The following GLT1D1 variants were observed in gnomAD, a reference collection of about 807,000 sequenced individuals.
GLT1D1 encodes glycosyltransferase 1 domain-containing protein 1.
In GLT1D1, 21 loss-of-function variants were observed where a neutral mutation model predicts 28.7. The observed-to-expected ratio is 0.73, with a 90% CI of 0.52 to 1.05. The LOEUF is 1.05. Ranked by LOEUF, GLT1D1 falls within the 50% of genes least tolerant of loss-of-function variation. The probability of loss-of-function intolerance (pLI) is 0.00; values close to 1 mark genes in which losing one functional copy is unlikely to be tolerated. For missense variants in GLT1D1, 343 were observed against 330.6 expected (o/e 1.04, Z -0.29); for synonymous variants, 147 against 124.8 (o/e 1.18, Z -1.19).
Position 128,947,444 on chromosome 12 carries a change from G to T in GLT1D1, c.526G>T (p.Ala176Ser), listed in dbSNP as rs909193700. 1 of 1,614,174 alleles carries T rather than the reference G, an allele frequency of 6.2e-7. No individual in the cohort carries two copies. The highest frequency in any genetic ancestry group is 1.1e-5 in the South Asian group (1 of 91,080). Residue 176 changes from alanine (A) to serine (S), a missense_variant, in exon 6 of 8, where the codon GCT (alanine) becomes TCT (serine). Transcript: ENST00000281703. ...TAGCTCTGTCTCTGAAGGCATGTCA[G>T]CTGCAATTTTGGAGGTAATTATGTA...
rs116081449 is a variant in GLT1D1, at chr12:128,984,265, T to A, written c.*1175T>A. ...CGCTTAGGAGGGCCGAGGGAGAAGA[T>A]TCCACCAGCATTGTCCTTGCTTCAA... On this transcript the variant is annotated 3_prime_UTR_variant, in exon 8 of 8. Coordinates refer to ENST00000281703, the MANE Select transcript of GLT1D1 (RefSeq NM_144669.3). The A allele has an allele frequency of 1.0e-3, 155 of 152,324 alleles. No homozygotes were observed. The highest frequency in any genetic ancestry group is 3.6e-3 in the African/African-American group (150 of 41,574). The allele number at this position is 152,324 out of a possible 1,614,324, so 9.4% of individuals were successfully genotyped here.
chr12:128,924,318 T>A (rs1031730116), intron 4 of GLT1D1, among the ~76,000 whole-genome samples: 7 of 151,512 alleles, frequency 4.6e-5, no homozygotes, highest in Admixed American at 1.3e-4. Context: ...TCCCAGCTAC[T>A]TGGGAGGCTG....
intron 7 of GLT1D1, among the ~76,000 whole-genome samples, chr12:128,967,552 G>A (rs1878573628): frequency 6.6e-6 from 1 of 152,188 alleles, no homozygotes; most frequent in South Asian, 2.1e-4. Context: ...ATACTCAACC[G>A]CGTTCACAGC....
chr12:128,859,940 A>T (rs1388418554), intron 1 of GLT1D1, among the ~76,000 whole-genome samples: 1 of 152,168 alleles, frequency 6.6e-6, no homozygotes, highest in East Asian at 1.9e-4. Context: ...TGGGCAAAAA[A>T]TCTGGGGGAT....
chr12:128,876,396 C>T (rs1273834982), intron 2 of GLT1D1, among the ~76,000 whole-genome samples: 1 of 152,146 alleles, frequency 6.6e-6, no homozygotes, highest in Non-Finnish European at 1.5e-5. Context: ...GCAACCTCCG[C>T]TTCCTGGGCT....
At chr12:128,906,861 T>C in intron 4 of GLT1D1, 1 of 700,954 alleles carries the variant, frequency 1.4e-6, no homozygotes, top group Non-Finnish European at 2.6e-6. Context: ...TAATTTTACT[T>C]TGTGTACATT....
chr12:128,943,901 A>G (rs577784550), intron 4 of GLT1D1, among the ~76,000 whole-genome samples: 2 of 152,298 alleles, frequency 1.3e-5, no homozygotes, highest in East Asian at 1.9e-4. Context: ...CCCCAATGAC[A>G]TGTAACTTTT....
intron 7 of GLT1D1, among the ~76,000 whole-genome samples, chr12:128,976,632 CTG>C (rs1284860836): frequency 1.3e-5 from 2 of 152,192 alleles, no homozygotes; most frequent in Non-Finnish European, 2.9e-5. Flanking sequence ...CTGTGATTGA[CTG>C]TAGCTCATCT....
chr12:128,945,302 A>T, intron 4 of GLT1D1, 24 bp from the exon 9 acceptor site: 1 of 1,613,666 alleles, frequency 6.2e-7, no homozygotes, highest in Non-Finnish European at 8.5e-7. Context: ...GCGACCGCTG[A>T]CATTTATCTT....
chr12:128,952,381 ATAGAGG>A (rs1193184838), intron 6 of GLT1D1, among the ~76,000 whole-genome samples: 2 of 128,544 alleles, frequency 1.6e-5, no homozygotes, highest in Admixed American at 8.8e-5. Flanking sequence ...GTATTTGGAG[ATAGAGG>A]TAATCAAGTT....
rs148786474 is a variant in GLT1D1, at chr12:128,944,845, T to C, written c.376-481T>C. 2.3e-3 allele frequency: 637 copies of C among 272,990 alleles called. 5 individuals are homozygous for C. Among genetic ancestry groups the C allele is most frequent in the African/African-American group, 0.012 (558 of 44,764 alleles). 16.9% of individuals were successfully genotyped at this position (272,990 alleles called of 1,614,324 possible). Reference sequence around the variant, plus strand: ...AAAGTTCTGGGGTACATGTGCACAATGTGCAGGTTTGTTACATAGGTATAC... The same window carrying C: ...AAAGTTCTGGGGTACATGTGCACAACGTGCAGGTTTGTTACATAGGTATAC... On this transcript the variant is annotated intron_variant, in intron 4 of 7. Transcript: ENST00000281703.
chr12:128,868,025 T>C (rs1014499861), intron 1 of GLT1D1, among the ~76,000 whole-genome samples: 3 of 152,224 alleles, frequency 2.0e-5, no homozygotes, highest in Admixed American at 1.3e-4. Flanking sequence ...CTAAGTTGAA[T>C]TGAAAACCCA....
chr12:128,875,823 A>G (rs1326165240), intron 1 of GLT1D1, 91 bp from the exon 2 acceptor site: 3 of 221,134 alleles, frequency 1.4e-5, no homozygotes, highest in Non-Finnish European at 2.1e-5. Flanking sequence ...AACAACAACC[A>G]AAAAAAAAAA....
chr12:128,962,906 T>G (rs1332617894), intron 7 of GLT1D1, among the ~76,000 whole-genome samples: 5 of 152,100 alleles, frequency 3.3e-5, no homozygotes, highest in African/African-American at 9.7e-5. Context: ...TTCACCATAT[T>G]GGCCAGGCTG....
At chr12:128,874,094 TTCTTTCTCTCTC>T (rs1419426348) in intron 1 of GLT1D1, among the ~76,000 whole-genome samples, 4 of 26,350 alleles carry the variant, frequency 1.5e-4, no homozygotes, top group African/African-American at 4.4e-4. Flanking sequence ...CTTTCTTTCT[TTCTTTCTCTCTC>T]TCTCTCTCTC....
intron 2 of GLT1D1, among the ~76,000 whole-genome samples, chr12:128,884,021 T>C (rs898070042): frequency 6.6e-6 from 1 of 151,736 alleles, no homozygotes; most frequent in Non-Finnish European, 1.5e-5. Context: ...CCTCGAAAAA[T>C]GAAAAATAGA....
intron 6 of GLT1D1, 21 bp from the exon 11 acceptor site, chr12:128,957,524 C>G (rs748102267): frequency 6.4e-7 from 1 of 1,570,574 alleles, no homozygotes; most frequent in East Asian, 2.2e-5. Context: ...CTTCCACCCC[C>G]TTTTCTCCTG....
chr12:128,967,523 C>T (rs971013843), intron 7 of GLT1D1, among the ~76,000 whole-genome samples: 4 of 152,220 alleles, frequency 2.6e-5, no homozygotes, highest in Admixed American at 6.5e-5. Context: ...TCTCCCTTCC[C>T]CTGGAAAAAA....
intron 3 of GLT1D1, among the ~76,000 whole-genome samples, chr12:128,892,868 C>T (rs1448606302): frequency 6.6e-6 from 1 of 151,886 alleles, no homozygotes; most frequent in African/African-American, 2.4e-5. Context: ...TTGATAATTA[C>T]ATTATCAATA....
Sources: allele counts gnomAD v4.1 joint callset (sites outside exome capture counted in the v4.1 genomes callset), GRCh38; gene constraint gnomAD v4.1.1; transcripts MANE v1.5; gene names NCBI Gene and HGNC (gene_info 2026-07-23, HGNC 2026-07-21).